DNAJC6: variants seen among roughly 807,000 people sequenced by gnomAD.
The protein encoded by DNAJC6 is auxilin.
DNAJC6 carries 34 observed loss-of-function variants against 110.0 expected under a neutral mutation model. That is an observed-to-expected ratio of 0.31 (90% confidence interval 0.24 to 0.41). The LOEUF is 0.41. Ranked by LOEUF, DNAJC6 falls within the 10% of genes least tolerant of loss-of-function variation. The pLI, the probability that DNAJC6 is intolerant of heterozygous loss-of-function variation, is 1.00. For synonymous variants in DNAJC6, 406 were observed against 437.2 expected (o/e 0.93, Z 0.89); for missense variants, 1,031 against 1,207.8 (o/e 0.85, Z 2.17).
chr1:65,307,008 CTCTCTCTCTCTA>C (rs1210783371), upstream of DNAJC6, among the ~76,000 whole-genome samples: 1,965 of 92,908 alleles, frequency 0.021, 18 homozygotes, highest in East Asian at 0.057. Flanking sequence ...CTCTCTCTCT[CTCTCTCTCTCTA>C]TATATATATA....
intron 15 of DNAJC6, 29 bp downstream of exon 15, chr1:65,401,909 T>C (rs1372831078): frequency 1.2e-6 from 2 of 1,610,608 alleles, no homozygotes; most frequent in African/African-American, 1.3e-5. Context: ...AAGATACAAA[T>C]AACATTTATT....
chr1:65,277,134 C>G (rs1271748461), intron 1 of DNAJC6, among the ~76,000 whole-genome samples: 1 of 152,104 alleles, frequency 6.6e-6, no homozygotes, highest in Non-Finnish European at 1.5e-5. Context: ...TTAAACACGT[C>G]TGTTTTTTTT....
At chr1:65,379,621 G>A (rs1645799190) in intron 5 of DNAJC6, 97 bp downstream of exon 5, 2 of 1,471,814 alleles carry the variant, frequency 1.4e-6, no homozygotes, top group Admixed American at 4.5e-5. Flanking sequence ...GAGTTCAATA[G>A]GATTTACTGA....
intron 1 of DNAJC6, among the ~76,000 whole-genome samples, chr1:65,345,952 G>A (rs780369553): frequency 3.3e-5 from 5 of 152,256 alleles, no homozygotes; most frequent in Middle Eastern, 6.8e-3. Flanking sequence ...CACAGCTAGC[G>A]GTAGCTTTCT....
chr1:65,279,243 G>C (rs1653769801), intron 1 of DNAJC6: 1 of 793,202 alleles, frequency 1.3e-6, no homozygotes, highest in East Asian at 1.3e-4. Context: ...ATTGAACCCA[G>C]CTGTGACTCC....
chr1:65,410,240 T>C (rs1646115783), intron 17 of DNAJC6, among the ~76,000 whole-genome samples: 3 of 152,184 alleles, frequency 2.0e-5, no homozygotes, highest in Admixed American at 2.0e-4. Context: ...TGAAAACATA[T>C]ACCACCGTTC....
chr1:65,334,619 T>TC (rs752150396), intron 1 of DNAJC6, among the ~76,000 whole-genome samples: 16 of 152,310 alleles, frequency 1.1e-4, no homozygotes, highest in Non-Finnish European at 2.4e-4. Flanking sequence ...ACAACATGCC[T>TC]CATCCCTCTG....
rs78367204 is a variant in DNAJC6 at position 65,333,306 on chromosome 1, G to A, written c.193+23368G>A. Among the ~76,000 whole-genome samples the A allele has an allele frequency of 3.4e-3, 524 of 152,212 alleles. 2 individuals carry two copies. The highest frequency in any genetic ancestry group is 0.012 in the African/African-American group (508 of 41,534). On this transcript the variant is annotated intron_variant, in intron 1 of 18. Coordinates refer to ENST00000371069, the MANE Select transcript of DNAJC6 (RefSeq NM_001256864.2). ...ACAGCTTGGTGAAATAAATGGACTC[G>A]TAGGTGGAGAACCGAAGTACTGAGA...
chr1:65,308,382 T>C (rs1474009397), upstream of DNAJC6, among the ~76,000 whole-genome samples: 3 of 152,300 alleles, frequency 2.0e-5, no homozygotes, highest in East Asian at 5.8e-4. Context: ...AATGATAATT[T>C]TTAACCAAGA....
intron 1 of DNAJC6, among the ~76,000 whole-genome samples, chr1:65,340,058 G>A (rs1645374875): frequency 6.6e-6 from 1 of 152,212 alleles, no homozygotes; most frequent in Non-Finnish European, 1.5e-5. Context: ...TTGGAGAGCA[G>A]CAAATTCCAC....
intron 15 of DNAJC6, among the ~76,000 whole-genome samples, 195 bp from the exon 16 acceptor site, chr1:65,405,675 C>T (rs1646068889): frequency 1.3e-5 from 2 of 152,134 alleles, no homozygotes; most frequent in Non-Finnish European, 2.9e-5. Context: ...GCCATTAAAA[C>T]ATACCTAGAA....
Position 65,385,408 on chromosome 1 carries a change from A to G in DNAJC6, c.801-304A>G, listed in dbSNP as rs116927649. On this transcript the variant is annotated intron_variant, in intron 6 of 18. Transcript: ENST00000371069. ...TCCAAAGCCAAATTTTAGCTGATAA[A>G]TTGGATCTGCTAGATAAAATAGGAA... Among the ~76,000 whole-genome samples the G allele has an allele frequency of 1.2e-3, 186 of 152,322 alleles. 2 individuals carry two copies. In the East Asian group the frequency reaches 0.027, roughly 22 times the overall value.
chr1:65,364,511 G>T, intron 1 of DNAJC6, 124 bp from the exon 2 acceptor site: 1 of 1,155,184 alleles, frequency 8.7e-7, no homozygotes, highest in Non-Finnish European at 1.2e-6. Flanking sequence ...ACAATTTCCA[G>T]GAATATCTGT....
chr1:65,392,957 CT>C (rs1645943656), intron 12 of DNAJC6, 92 bp downstream of exon 12: 1 of 1,227,108 alleles, frequency 8.1e-7, no homozygotes, highest in Admixed American at 3.6e-5. Flanking sequence ...ATAAGCTAGA[CT>C]TTTCTGATTT....
intron 12 of DNAJC6, 40 bp from the exon 13 acceptor site, chr1:65,394,858 C>G (rs1440656802): frequency 6.5e-7 from 1 of 1,541,674 alleles, no homozygotes; most frequent in Non-Finnish European, 8.7e-7. Flanking sequence ...AGTGAATGAA[C>G]TCATGGGACA....
chr1:65,375,520 G>T (rs934458873), intron 4 of DNAJC6, among the ~76,000 whole-genome samples: 12 of 151,930 alleles, frequency 7.9e-5, no homozygotes, highest in African/African-American at 2.9e-4. Flanking sequence ...CCGCCTCATG[G>T]GTTCACGCCA....
At chr1:65,266,785 T>C (rs539704390) in intron 1 of DNAJC6, among the ~76,000 whole-genome samples, 1 of 152,274 alleles carries the variant, frequency 6.6e-6, no homozygotes, top group Admixed American at 6.5e-5. Flanking sequence ...AGGCCCAGGT[T>C]AAGGTTAATA....
intron 1 of DNAJC6, among the ~76,000 whole-genome samples, chr1:65,282,119 G>A (rs975144494): frequency 1.6e-4 from 25 of 152,068 alleles, no homozygotes; most frequent in African/African-American, 5.6e-4. Flanking sequence ...TAGAGACAAA[G>A]TCTCACTTTT....
At chr1:65,347,369 C>T (rs573859510) in intron 1 of DNAJC6, among the ~76,000 whole-genome samples, 7 of 151,534 alleles carry the variant, frequency 4.6e-5, no homozygotes, top group East Asian at 1.9e-4. Context: ...AGTCTTTATA[C>T]GGCACAAGGC....
Sources: gnomAD v4.1 joint callset for allele counts (sites outside exome capture counted in the v4.1 genomes callset) on GRCh38, gnomAD v4.1.1 for gene constraint, MANE v1.5 for transcripts, NCBI Gene and HGNC (gene_info 2026-07-23, HGNC 2026-07-21) for gene names.